The following WASF2 variants were observed in gnomAD, a reference collection of about 807,000 sequenced individuals.
The protein encoded by WASF2 is actin-binding protein WASF2.
A neutral mutation model predicts 45.0 loss-of-function variants in WASF2; 14 were observed. The observed-to-expected ratio is 0.31, with a 90% CI of 0.21 to 0.49. WASF2 has a LOEUF of 0.49. WASF2 is among the 20% of genes least tolerant of loss of function. WASF2 has a pLI of 0.99. For synonymous variants in WASF2, 200 were observed against 236.3 expected (o/e 0.85, Z 1.41); for missense variants, 439 against 636.1 (o/e 0.69, Z 3.33).
rs113226411 is a variant in WASF2 at position 27,466,270 on chromosome 1, T to C, written c.-44+23716A>G. 1.6e-3 allele frequency among the ~76,000 whole-genome samples: 238 copies of C among 152,354 alleles called. 1 individual carries two copies. The highest frequency in any genetic ancestry group is 5.2e-3 in the African/African-American group (215 of 41,582). ...GATAAACAACAACAAAAAAGAATGA[T>C]AGAATTAAAATCTAATCATTTTTCA... On this transcript the variant is annotated intron_variant, in intron 1 of 8. Transcript: ENST00000618852.
At chr1:27,472,532 G>A (rs1389534957) in intron 1 of WASF2, among the ~76,000 whole-genome samples, 1 of 151,078 alleles carries the variant, frequency 6.6e-6, no homozygotes, top group Non-Finnish European at 1.5e-5. Context: ...CACTTGGAAG[G>A]CTGAGATGGG....
At chr1:27,485,200 T>C (rs976792445) in intron 1 of WASF2, among the ~76,000 whole-genome samples, 5 of 152,048 alleles carry the variant, frequency 3.3e-5, no homozygotes, top group Non-Finnish European at 5.9e-5. Context: ...ATTTGATTTG[T>C]TTTTCTCTGA....
chr1:27,454,839 T>C (rs2017446441), intron 1 of WASF2, among the ~76,000 whole-genome samples: 1 of 152,236 alleles, frequency 6.6e-6, no homozygotes, highest in South Asian at 2.1e-4. Flanking sequence ...GATTAACTTA[T>C]CCAATCTCAA....
chr1:27,439,816 T>A (rs997595529), intron 1 of WASF2, among the ~76,000 whole-genome samples: 1 of 151,822 alleles, frequency 6.6e-6, no homozygotes, highest in Non-Finnish European at 1.5e-5. Flanking sequence ...CTGGGCAACA[T>A]GGTGAGACCT....
chr1:27,419,514 T>C (rs1408294381), intron 2 of WASF2, among the ~76,000 whole-genome samples: 1 of 151,926 alleles, frequency 6.6e-6, no homozygotes, highest in Admixed American at 6.6e-5. Context: ...ACTGGGGAGG[T>C]TGAGGCAGGA....
At position 27,407,524 on chromosome 1, in the gene WASF2, C is replaced by T. The variant is rs547653786; in HGVS notation, c.*665G>A. 3 of 152,742 alleles carry T rather than the reference C, an allele frequency of 2.0e-5. No homozygotes were observed. The South Asian group carries it at 6.2e-4, about 32-fold the overall frequency. 9.5% of individuals were successfully genotyped at this position (152,742 alleles called of 1,614,324 possible). A position where few individuals can be genotyped will look rare whatever the true frequency, so the allele number is the denominator to read the frequency against. On this transcript the variant is annotated 3_prime_UTR_variant, in exon 9 of 9. Transcript: ENST00000618852. The stretch of plus-strand genomic sequence containing the variant: ...TGAACACCATACTCACCAAAGGGAT[C>T]CTGGGAGGGAGGCAACAACACCAGC...
chr1:27,408,573 T>C (rs1416299109), intron 8 of WASF2, among the ~76,000 whole-genome samples: 1 of 152,222 alleles, frequency 6.6e-6, no homozygotes, highest in Non-Finnish European at 1.5e-5. Flanking sequence ...GTTTACACAC[T>C]TTCAGGCTGG....
intron 1 of WASF2, among the ~76,000 whole-genome samples, chr1:27,480,991 T>G (rs2017840266): frequency 6.6e-6 from 1 of 150,728 alleles, no homozygotes; most frequent in African/African-American, 2.5e-5. Context: ...TGAGCCGAGA[T>G]CACGCCACTG....
At chr1:27,463,394 G>C (rs2017571929) in intron 1 of WASF2, among the ~76,000 whole-genome samples, 1 of 151,992 alleles carries the variant, frequency 6.6e-6, no homozygotes, top group Admixed American at 6.6e-5. Flanking sequence ...GGGAGGCTGA[G>C]GCAGGCGGAT....
chr1:27,454,660 G>C (rs915994143), intron 1 of WASF2, among the ~76,000 whole-genome samples: 1 of 152,050 alleles, frequency 6.6e-6, no homozygotes, highest in Non-Finnish European at 1.5e-5. Flanking sequence ...TTTTTGTAGA[G>C]ACAGTGTCTC....
At chr1:27,423,678 T>A (rs1256535975) in intron 2 of WASF2, among the ~76,000 whole-genome samples, 1 of 152,160 alleles carries the variant, frequency 6.6e-6, no homozygotes, top group Non-Finnish European at 1.5e-5. Flanking sequence ...AGACCCAATA[T>A]CCATCATTAT....
Position 27,409,961 on chromosome 1 carries a change from G to A in WASF2, c.1070C>T (p.Pro357Leu). 3 of 1,612,412 alleles carry A rather than the reference G, an allele frequency of 1.9e-6. No individual in the cohort carries two copies. Among genetic ancestry groups the A allele is most frequent in the Admixed American group, 1.7e-5 (1 of 59,944 alleles). Residue 357 changes from proline to leucine, a missense_variant, in exon 8 of 9, where the codon CCT becomes CTT. This residue lies in a region of WASF2 where 286 missense variants were observed against 373.5 expected (regional missense o/e 0.77). Coordinates refer to ENST00000618852, the MANE Select transcript of WASF2 (RefSeq NM_006990.5). ...PPPPSPPSFP[P>L]HPDFAAPPPP... ...TGGAGGGGCAGCAAAATCAGGGTGA[G>A]GTGGGAAAGATGGGGGTGAGGGTGG...
intron 1 of WASF2, among the ~76,000 whole-genome samples, chr1:27,486,779 C>A (rs1454596495): frequency 6.6e-6 from 1 of 151,894 alleles, no homozygotes; most frequent in Non-Finnish European, 1.5e-5. Context: ...CAAAAATTAG[C>A]CAGGCGTGGC....
At chr1:27,417,442 G>C (rs985280490) in intron 4 of WASF2, among the ~76,000 whole-genome samples, 9 of 152,092 alleles carry the variant, frequency 5.9e-5, no homozygotes, top group African/African-American at 2.2e-4. Context: ...TGGTGTCCTT[G>C]AATTTCACGT....
At chr1:27,438,282 C>A (rs1421379754) in intron 1 of WASF2, among the ~76,000 whole-genome samples, 1 of 152,178 alleles carries the variant, frequency 6.6e-6, no homozygotes, top group African/African-American at 2.4e-5. Context: ...GCAAGCAGCA[C>A]TGAGTACTGT....
Position 27,418,440 on chromosome 1 carries a change from G to C in WASF2, c.266-18C>G. The C allele has an allele frequency of 6.2e-7, 1 of 1,614,216 alleles. No homozygotes were observed. On this transcript the variant is annotated intron_variant, in intron 3 of 8. Transcript: ENST00000618852. Reference sequence around the variant, plus strand: ...CAGTGACACTGAGAGAAGATGGAAGGCGTTAGAAAATGGACGACAGGCTAT... The same window carrying C: ...CAGTGACACTGAGAGAAGATGGAAGCCGTTAGAAAATGGACGACAGGCTAT...
chr1:27,440,974 C>A (rs1297974220), intron 1 of WASF2, among the ~76,000 whole-genome samples: 1 of 152,038 alleles, frequency 6.6e-6, no homozygotes, highest in Non-Finnish European at 1.5e-5. Context: ...TCCAGCTATC[C>A]TCCCGCCTTA....
chr1:27,477,169 T>C (rs986011158), intron 1 of WASF2, among the ~76,000 whole-genome samples: 3 of 152,032 alleles, frequency 2.0e-5, no homozygotes, highest in Non-Finnish European at 4.4e-5. Flanking sequence ...AAAGGTAAAA[T>C]AGAGAAGGCC....
chr1:27,436,333 C>A (rs1363994151), intron 1 of WASF2, among the ~76,000 whole-genome samples: 1 of 152,010 alleles, frequency 6.6e-6, no homozygotes, highest in Non-Finnish European at 1.5e-5. Context: ...GTAGTCCCAG[C>A]TACTCAGGGG....
Sources: gnomAD v4.1 joint callset for allele counts (sites outside exome capture counted in the v4.1 genomes callset) on GRCh38, gnomAD v4.1.1 for gene constraint, gnomAD v4.1.1 regional missense constraint, MANE v1.5 for transcripts, NCBI Gene and HGNC (gene_info 2026-07-23, HGNC 2026-07-21) for gene names.